Variants in MTUS2 observed in about 807,000 individuals in gnomAD.
MTUS2 encodes microtubule-associated tumor suppressor candidate 2.
MTUS2 carries 40 observed loss-of-function variants against 114.1 expected under a neutral mutation model. The ratio of observed to expected loss-of-function variants is 0.35; its 90% CI spans 0.27 to 0.46. The LOEUF is 0.46. Ranked by LOEUF, MTUS2 falls within the 20% of genes least tolerant of loss-of-function variation. The probability of loss-of-function intolerance (pLI) is 1.00; values close to 1 mark genes in which losing one functional copy is unlikely to be tolerated. For missense variants in MTUS2, 1,679 were observed against 1,705.4 expected (o/e 0.98, Z 0.27); for synonymous variants, 688 against 672.0 (o/e 1.02, Z -0.37).
chr13:29,306,579 A>G (rs535569209), intron 6 of MTUS2, among the ~76,000 whole-genome samples: 1 of 152,374 alleles, frequency 6.6e-6, no homozygotes, highest in South Asian at 2.1e-4. Context: ...TACAGCCAAC[A>G]AGGCGAATGA....
rs1165573823 is a variant in MTUS2 at position 28,888,417 on chromosome 13, A to G, written c.-243+48567A>G. On this transcript the variant is annotated intron_variant, in intron 2 of 15. Transcript: ENST00000612955. ...CCATCTATCTGGTTTTCCTCTTGGC[A>G]TCTTTTTTTTTTTTTTTTTGATAGA... Among the ~76,000 whole-genome samples the G allele has an allele frequency of 2.8e-5, 3 of 107,298 alleles. No individual in the cohort carries two copies. In the Admixed American group the frequency reaches 3.8e-4, roughly 14 times the overall value. 70.4% of individuals were successfully genotyped at this position (107,298 alleles called of 152,430 possible).
intron 8 of MTUS2, among the ~76,000 whole-genome samples, chr13:29,362,267 G>A (rs1255816033): frequency 6.6e-6 from 1 of 152,112 alleles, no homozygotes; most frequent in African/African-American, 2.4e-5. Context: ...TTACAGGCAT[G>A]AGCCACCATG....
intron 5 of MTUS2, among the ~76,000 whole-genome samples, chr13:29,136,280 A>G (rs1891974601): frequency 6.6e-6 from 1 of 152,212 alleles, no homozygotes; most frequent in Non-Finnish European, 1.5e-5. Flanking sequence ...CGCCAGATAT[A>G]GAATTGTGAT....
At chr13:29,302,140 AG>A (rs2139609842) in intron 6 of MTUS2, among the ~76,000 whole-genome samples, 1 of 152,370 alleles carries the variant, frequency 6.6e-6, no homozygotes, top group South Asian at 2.1e-4. Flanking sequence ...AAGTGAATTC[AG>A]CACCTTCAAT....
Position 29,326,151 on chromosome 13 carries a change from C to T in MTUS2, c.2905+1440C>T, listed in dbSNP as rs78206444. Among the ~76,000 whole-genome samples the T allele has an allele frequency of 4.7e-3, 710 of 152,256 alleles. 6 individuals are homozygous for T. Among genetic ancestry groups the T allele is most frequent in the African/African-American group, 0.016 (661 of 41,554 alleles). ...AGGAAGGAAAAGAAAACTCACCCTG[C>T]GGGAGACTGACTGATTGCAGCTCCA... is the stretch of plus-strand genomic sequence containing the variant. On this transcript the variant is annotated intron_variant, in intron 7 of 15. Transcript: ENST00000612955.
At chr13:29,285,846 G>C (rs1222578556) in intron 6 of MTUS2, among the ~76,000 whole-genome samples, 1 of 152,154 alleles carries the variant, frequency 6.6e-6, no homozygotes, top group Admixed American at 6.6e-5. Context: ...ACAAAAATTT[G>C]AAATTCAAAC....
intron 2 of MTUS2, among the ~76,000 whole-genome samples, chr13:28,907,466 T>A (rs1314175178): frequency 1.3e-5 from 2 of 151,416 alleles, no homozygotes; most frequent in African/African-American, 4.9e-5. Flanking sequence ...GCAAATTGGA[T>A]AAAGAGTCAA....
At chr13:29,136,488 C>G (rs1289351232) in intron 5 of MTUS2, among the ~76,000 whole-genome samples, 1 of 152,164 alleles carries the variant, frequency 6.6e-6, no homozygotes. Context: ...GACTTTCAGT[C>G]CTACCCTGCA....
At chr13:29,324,851 T>C in intron 7 of MTUS2, 140 bp downstream of exon 7, 1 of 648,176 alleles carries the variant, frequency 1.5e-6, no homozygotes, top group Non-Finnish European at 2.7e-6. Context: ...ATGCTGATGT[T>C]TTCTGACTCT....
At chr13:29,179,638 AC>A (rs1893916886) in intron 5 of MTUS2, among the ~76,000 whole-genome samples, 2 of 110,474 alleles carry the variant, frequency 1.8e-5, no homozygotes, top group South Asian at 6.8e-4. Flanking sequence ...TATTTCTTAA[AC>A]AAATTAAAAA....
At chr13:29,381,073 G>A (rs2138363089) in intron 8 of MTUS2, among the ~76,000 whole-genome samples, 1 of 152,262 alleles carries the variant, frequency 6.6e-6, no homozygotes, top group East Asian at 1.9e-4. Context: ...GAAGAAAGAG[G>A]TGGAACAACC....
At chr13:29,178,602 T>G (rs35251425) in intron 5 of MTUS2, among the ~76,000 whole-genome samples, 24,123 of 151,838 alleles carry the variant, frequency 0.16, 2,025 homozygotes, top group East Asian at 0.31. Flanking sequence ...GTCAAAAATA[T>G]CTCCAGATAC....
intron 2 of MTUS2, among the ~76,000 whole-genome samples, chr13:28,874,099 A>C (rs1472782725): frequency 3.3e-5 from 5 of 152,122 alleles, no homozygotes; most frequent in African/African-American, 1.2e-4. Context: ...GCTCACTGCA[A>C]CCTCCGCCTC....
intron 2 of MTUS2, among the ~76,000 whole-genome samples, chr13:28,894,335 A>G (rs1593277788): frequency 4.9e-5 from 3 of 61,678 alleles, no homozygotes; most frequent in African/African-American, 9.4e-5. Context: ...GGAGGGAGAG[A>G]GAGAGAGAGA....
At chr13:29,030,249 G>A (rs1593399621) in intron 3 of MTUS2, among the ~76,000 whole-genome samples, 2 of 152,280 alleles carry the variant, frequency 1.3e-5, no homozygotes, top group South Asian at 4.2e-4. Context: ...GACATTGTGT[G>A]GCTTTGGCGG....
intron 5 of MTUS2, among the ~76,000 whole-genome samples, chr13:29,258,660 A>G (rs1036487657): frequency 4.6e-5 from 7 of 152,224 alleles, no homozygotes; most frequent in African/African-American, 9.6e-5. Context: ...ATTTTGTTCT[A>G]TCTGCTGCCT....
chr13:29,082,735 G>T lies in MTUS2; in HGVS notation c.2447-18038G>T, dbSNP rs932173388. Among the ~76,000 whole-genome samples, 7 of 152,160 alleles carry T rather than the reference G, an allele frequency of 4.6e-5. No individual in the cohort carries two copies. The East Asian group carries it at 1.2e-3, about 25-fold the overall frequency. On this transcript the variant is annotated intron_variant, in intron 4 of 15. Coordinates refer to ENST00000612955, the MANE Select transcript of MTUS2 (RefSeq NM_001033602.4). ...AGGGTCACGGGTTCAGAGAACAGAA[G>T]TTTCTCTTCTCAGGAGAGATCAGCA...
chr13:28,967,242 A>C (rs1028720284), intron 2 of MTUS2, among the ~76,000 whole-genome samples: 2 of 152,150 alleles, frequency 1.3e-5, no homozygotes, highest in African/African-American at 4.8e-5. Flanking sequence ...CATGTAGCAC[A>C]CCCTGGGCCT....
chr13:28,923,854 C>T (rs1593303506), intron 2 of MTUS2, among the ~76,000 whole-genome samples: 1 of 152,256 alleles, frequency 6.6e-6, no homozygotes, highest in Non-Finnish European at 1.5e-5. Flanking sequence ...CTGCAGGTCT[C>T]CCTGGTGCCT....
Sources: allele counts gnomAD v4.1 joint callset (sites outside exome capture counted in the v4.1 genomes callset), GRCh38; gene constraint gnomAD v4.1.1; transcripts MANE v1.5; gene names NCBI Gene and HGNC (gene_info 2026-07-23, HGNC 2026-07-21).